ZSCAN16: variants seen among roughly 807,000 people sequenced by gnomAD.
ZSCAN16 encodes zinc finger and SCAN domain-containing protein 16.
In ZSCAN16, 15 loss-of-function variants were observed where a neutral mutation model predicts 19.4. That is an observed-to-expected ratio of 0.77 (90% CI 0.52 to 1.19). ZSCAN16 has a LOEUF of 1.19. ZSCAN16 is among the 50% of genes most tolerant of loss of function. The pLI, the probability that ZSCAN16 is intolerant of heterozygous loss-of-function variation, is 0.00. For missense variants in ZSCAN16, 327 were observed against 415.7 expected, an observed-to-expected ratio of 0.79 and a Z score of 1.86; for synonymous variants, 138 against 146.5, an observed-to-expected ratio of 0.94 and a Z score of 0.42.
chr6:28,129,133 CAT>C (rs1764982362), intron 3 of ZSCAN16, among the ~76,000 whole-genome samples: 1 of 152,196 alleles, frequency 6.6e-6, no homozygotes, highest in African/African-American at 2.4e-5. Flanking sequence ...TCTTCCCTTA[CAT>C]AGTATTGCTA....
chr6:28,125,930 A>T lies in ZSCAN16; in HGVS notation c.387+100A>T. ...AACATCTGAAAATATTTATCCTCTA[A>T]AGAACAAGGCATAGGAAGGGACCTG... On this transcript the variant is annotated intron_variant, in intron 2 of 3. Transcript: ENST00000340487. This position sits in a 1 kb window ranked among gnomAD's most constrained non-coding sequence, Gnocchi z 6.2. 1.0e-6 allele frequency: 1 copy of T among 956,622 alleles called. No homozygotes were observed. Among genetic ancestry groups the T allele is most frequent in the Non-Finnish European group, 1.5e-6 (1 of 653,644 alleles). 59.3% of individuals were successfully genotyped at this position (956,622 alleles called of 1,614,324 possible).
chr6:28,126,303 C>T (rs1291883388), intron 2 of ZSCAN16, among the ~76,000 whole-genome samples: 2 of 151,638 alleles, frequency 1.3e-5, no homozygotes, highest in Non-Finnish European at 2.9e-5. Flanking sequence ...TTATTTAGCC[C>T]ACAATATTTA....
chr6:28,128,794 T>C (rs770956745), intron 3 of ZSCAN16, among the ~76,000 whole-genome samples: 1 of 152,126 alleles, frequency 6.6e-6, no homozygotes, highest in Non-Finnish European at 1.5e-5. Flanking sequence ...GGAAAAAATA[T>C]TTTACCCAGC....
At position 28,125,341 on chromosome 6, in the gene ZSCAN16, G is replaced by T; in HGVS notation, c.-31-72G>T. The stretch of plus-strand genomic sequence containing the variant: ...CAGAAATTTTTGTAATTTCTCTATG[G>T]TAACAACTTTTTATGCCTTAGGAGT... On this transcript the variant is annotated intron_variant, in intron 1 of 3. Transcript: ENST00000340487. The surrounding 1 kb of genome is among the most constrained non-coding windows in gnomAD (Gnocchi z 6.2). 1 of 1,497,718 alleles carries T rather than the reference G, an allele frequency of 6.7e-7. No homozygotes were observed. The highest frequency in any genetic ancestry group is 8.9e-7 in the Non-Finnish European group (1 of 1,127,710). 92.8% of individuals were successfully genotyped at this position (1,497,718 alleles called of 1,614,324 possible).
chr6:28,125,863 T>C lies in ZSCAN16; in HGVS notation c.387+33T>C. On this transcript the variant is annotated intron_variant, in intron 2 of 3. Coordinates refer to ENST00000340487, the MANE Select transcript of ZSCAN16 (RefSeq NM_025231.3). This position sits in a 1 kb window ranked among gnomAD's most constrained non-coding sequence, Gnocchi z 6.2. Reference sequence around the variant, plus strand: ...GGGGCAGTCATCTGGCTGTGAGTGATCAGGGGATATGGATGGAGCCAAAGC... The same window carrying C: ...GGGGCAGTCATCTGGCTGTGAGTGACCAGGGGATATGGATGGAGCCAAAGC... 1 of 1,514,386 alleles carries C rather than the reference T, an allele frequency of 6.6e-7. No individual in the cohort carries two copies. Among genetic ancestry groups the C allele is most frequent in the Non-Finnish European group, 9.0e-7 (1 of 1,114,758 alleles). 93.8% of individuals were successfully genotyped at this position (1,514,386 alleles called of 1,614,324 possible).
rs372143433 is a variant in ZSCAN16 at position 28,129,761 on chromosome 6, C to T, written c.858C>T (p.His286=). Residue 286 remains histidine, a synonymous_variant, in exon 4 of 4, where the codon CAC becomes CAT. Coordinates refer to ENST00000340487, the MANE Select transcript of ZSCAN16 (RefSeq NM_025231.3). ...ATCTCATTGGACATCATAGAGTACACACGGGAGTAAAACCCTATAAATGTA... is the reference window on the plus strand; with the variant it reads ...ATCTCATTGGACATCATAGAGTACATACGGGAGTAAAACCCTATAAATGTA... The part of the protein sequence containing the change: ...RSHLIGHHRV[H]TGVKPYKCKE... The T allele has an allele frequency of 6.2e-5, 100 of 1,613,982 alleles. No homozygotes were observed. Among genetic ancestry groups the T allele is most frequent in the Non-Finnish European group, 8.1e-5 (96 of 1,180,004 alleles).
intron 2 of ZSCAN16, 73 bp from the exon 3 acceptor site, chr6:28,126,710 T>C (rs953357242): frequency 2.4e-6 from 3 of 1,235,870 alleles, no homozygotes; most frequent in Admixed American, 5.9e-5. Context: ...CTGGAAGATG[T>C]TTCATTTGAT....
Position 28,129,910 on chromosome 6 carries a change from T to A in ZSCAN16, c.1007T>A (p.Ile336Asn), listed in dbSNP as rs1354025243. 6.2e-7 allele frequency: 1 copy of A among 1,601,814 alleles called. No homozygotes were observed. The highest frequency in any genetic ancestry group is 8.5e-7 in the Non-Finnish European group (1 of 1,175,536). ...CCTTTCCGAGTAAGTTCAGCTCTTA[T>A]TAGACATCAAAGAATTCATACCGCA... ...GRPFRVSSAL[I>N]RHQRIHTANK... Residue 336 changes from isoleucine (I) to asparagine (N), a missense_variant, in exon 4 of 4, where the codon ATT becomes AAT. Physicochemically the swap from Ile to Asn is moderately radical, Grantham distance 149 (BLOSUM62 -3). Coordinates refer to ENST00000340487, the MANE Select transcript of ZSCAN16 (RefSeq NM_025231.3).
At position 28,129,440 on chromosome 6, in the gene ZSCAN16, TAG is replaced by T. The variant is rs748829860; in HGVS notation, c.538_539del (p.Arg180AspfsTer2). ...GTTTGTTTGTTACAGGTGATAAAAC[TAG>T]GACTAAGAATGAAGAGTTGTTCCAG... ...GKPQRNGDKTRTKNEELFQKE... is the reference protein window; with the variant it reads ...GKPQRNGDKTXTKNEELFQKE... On this transcript the variant is annotated frameshift_variant, in exon 4 of 4. Transcript: ENST00000340487. LOFTEE classifies it low-confidence loss of function (END_TRUNC). 1 of 1,606,790 alleles carries T rather than the reference TAG, an allele frequency of 6.2e-7. No individual in the cohort carries two copies. Among genetic ancestry groups the T allele is most frequent in the Non-Finnish European group, 8.5e-7 (1 of 1,176,462 alleles).
At chr6:28,126,756 T>C in intron 2 of ZSCAN16, 27 bp from the exon 3 acceptor site, 1 of 1,396,392 alleles carries the variant, frequency 7.2e-7, no homozygotes, top group Non-Finnish European at 9.4e-7. Flanking sequence ...TCCATAAAAT[T>C]CACCTTACAC....
chr6:28,129,875 G>T lies in ZSCAN16; in HGVS notation c.972G>T (p.Glu324Asp). ...GTGAAAAACCCTATGAATGTGATGA[G>T]TGTGGAAGGCCTTTCCGAGTAAGTT... is the stretch of plus-strand genomic sequence containing the variant. The part of the protein sequence containing the change: ...HTGEKPYECD[E>D]CGRPFRVSSA... Residue 324 changes from glutamate (E) to aspartate (D), a missense_variant, in exon 4 of 4, where the codon GAG becomes GAT. Glu to Asp is a conservative substitution (Grantham distance 45). Coordinates refer to ENST00000340487, the MANE Select transcript of ZSCAN16 (RefSeq NM_025231.3). 1 of 1,613,654 alleles carries T rather than the reference G, an allele frequency of 6.2e-7. No homozygotes were observed. Among genetic ancestry groups the T allele is most frequent in the Non-Finnish European group, 8.5e-7 (1 of 1,179,896 alleles).
chr6:28,127,457 G>A (rs1764939170), intron 3 of ZSCAN16, among the ~76,000 whole-genome samples: 1 of 152,120 alleles, frequency 6.6e-6, no homozygotes, highest in Non-Finnish European at 1.5e-5. Flanking sequence ...TCTTCCTCTT[G>A]TAAGGACACT....
In ZSCAN16 at chr6:28,129,609, T is replaced by C. The variant is rs200987807; in HGVS notation, c.706T>C (p.Tyr236His). 5.3e-5 allele frequency: 85 copies of C among 1,614,020 alleles called. No individual in the cohort carries two copies. Among genetic ancestry groups the C allele is most frequent in the Non-Finnish European group, 6.8e-5 (80 of 1,180,028 alleles). Reference sequence around the variant, plus strand: ...ATGGCAACAGAGGGAAAGAAGACGATATAAATGTGATGAATGTGGGAAAAG... The same window carrying C: ...ATGGCAACAGAGGGAAAGAAGACGACATAAATGTGATGAATGTGGGAAAAG... The part of the protein sequence containing the change: ...SEWQQRERRR[Y>H]KCDECGKSFS... The change falls in exon 4 of 4, where the codon TAT (tyrosine) becomes CAT (histidine). Residue 236 changes from tyrosine (Y) to histidine (H), a missense_variant. Physicochemically the swap from Tyr to His is moderately conservative, Grantham distance 83 (BLOSUM62 2). Coordinates refer to ENST00000340487, the MANE Select transcript of ZSCAN16 (RefSeq NM_025231.3).
chr6:28,128,499 A>G (rs1377109351), intron 3 of ZSCAN16, among the ~76,000 whole-genome samples: 3 of 152,180 alleles, frequency 2.0e-5, no homozygotes, highest in Non-Finnish European at 4.4e-5. Context: ...TGCACCTGCA[A>G]AAATATCACA....
In ZSCAN16 at chr6:28,125,418, G is replaced by C; in HGVS notation, c.-26G>C. ...TCTCTTTGACTCAATCCCAGATAGA[G>C]GATAAATCTCCTGGCAAAGCCCAGA... On this transcript the variant is annotated 5_prime_UTR_variant, in exon 2 of 4. Coordinates refer to ENST00000340487, the MANE Select transcript of ZSCAN16 (RefSeq NM_025231.3). The surrounding 1 kb of genome is among the most constrained non-coding windows in gnomAD (Gnocchi z 6.2). The C allele has an allele frequency of 6.3e-7, 1 of 1,597,018 alleles. No individual in the cohort carries two copies. The highest frequency in any genetic ancestry group is 8.5e-7 in the Non-Finnish European group (1 of 1,172,190).
chr6:28,129,329 T>C, intron 3 of ZSCAN16, 101 bp from the exon 4 acceptor site: 3 of 1,421,746 alleles, frequency 2.1e-6, no homozygotes, highest in Non-Finnish European at 2.8e-6. Flanking sequence ...TTCTCATTAT[T>C]TTATAACACA....
Position 28,125,188 on chromosome 6 carries a change from A to C in ZSCAN16, c.-31-225A>C, listed in dbSNP as rs1764859048. 6.6e-6 allele frequency among the ~76,000 whole-genome samples: 1 copy of C among 151,730 alleles called. No individual in the cohort carries two copies. The highest frequency in any genetic ancestry group is 1.5e-5 in the Non-Finnish European group (1 of 68,012). On this transcript the variant is annotated intron_variant, in intron 1 of 3. Coordinates refer to ENST00000340487, the MANE Select transcript of ZSCAN16 (RefSeq NM_025231.3). This position sits in a 1 kb window ranked among gnomAD's most constrained non-coding sequence, Gnocchi z 6.2. ...CTCTAAGTTACACAATAGAGCACAG[A>C]TTCAAATCATATCCCTGCGTCACTG...
Position 28,125,773 on chromosome 6 carries a change from G to T in ZSCAN16, c.330G>T (p.Glu110Asp), listed in dbSNP as rs1444505059. 1 of 1,614,050 alleles carries T rather than the reference G, an allele frequency of 6.2e-7. No individual in the cohort carries two copies. Among genetic ancestry groups the T allele is most frequent in the Admixed American group, 1.7e-5 (1 of 59,980 alleles). ...WVRAHHPETG[E>D]EAVTVLEDLE... ...GTGCACACCATCCAGAGACTGGAGAGGAGGCAGTGACGGTACTGGAGGATC... is the reference window on the plus strand; with the variant it reads ...GTGCACACCATCCAGAGACTGGAGATGAGGCAGTGACGGTACTGGAGGATC... Residue 110 changes from glutamate (E) to aspartate (D), a missense_variant, in exon 2 of 4, where the codon GAG (glutamate) becomes GAT (aspartate). Transcript: ENST00000340487. The surrounding 1 kb of genome is among the most constrained non-coding windows in gnomAD (Gnocchi z 6.2).
At chr6:28,126,719 ATTGTT>A in intron 2 of ZSCAN16, 59 bp from the exon 3 acceptor site, 1 of 1,299,540 alleles carries the variant, frequency 7.7e-7, no homozygotes, top group South Asian at 2.2e-5. Context: ...GTTTCATTTG[ATTGTT>A]TTATCTGAAG....
Sources: gnomAD v4.1 joint callset for allele counts (sites outside exome capture counted in the v4.1 genomes callset) on GRCh38, gnomAD v4.1.1 for gene constraint, Gnocchi (gnomAD v3.1) non-coding constraint, MANE v1.5 for transcripts, NCBI Gene and HGNC (gene_info 2026-07-23, HGNC 2026-07-21) for gene names.